The following CYP4F12 variants were observed in gnomAD, a reference collection of about 807,000 sequenced individuals.
CYP4F12 encodes the protein cytochrome P450 4F12.
In CYP4F12, 60 loss-of-function variants were observed where a neutral mutation model predicts 56.5. The ratio of observed to expected loss-of-function variants is 1.06; its 90% CI spans 0.86 to 1.32. The LOEUF is 1.32. Among genes scored for constraint, CYP4F12 ranks in the 40% most tolerant of loss-of-function variants. The probability of loss-of-function intolerance (pLI) is 0.00; values close to 1 mark genes in which losing one functional copy is unlikely to be tolerated. For synonymous variants in CYP4F12, 263 were observed against 264.9 expected, an observed-to-expected ratio of 0.99 and a Z score of 0.07; for missense variants, 711 against 683.5, an observed-to-expected ratio of 1.04 and a Z score of -0.45.
intron 3 of CYP4F12, among the ~76,000 whole-genome samples, chr19:15,679,929 T>C (rs764156401): frequency 6.6e-6 from 1 of 152,182 alleles, no homozygotes; most frequent in Non-Finnish European, 1.5e-5. Flanking sequence ...AGACAGGGTG[T>C]CCGAGGTCCT....
intron 2 of CYP4F12, 58 bp from the exon 3 acceptor site, chr19:15,678,203 C>A: frequency 1.9e-6 from 3 of 1,607,698 alleles, no homozygotes; most frequent in Non-Finnish European, 2.6e-6. Flanking sequence ...TTAGCCCAGT[C>A]TAGTGGACAC....
rs200143561 is a variant in CYP4F12 at position 15,696,502 on chromosome 19, G to T, written c.1387G>T (p.Ala463Ser). 1.2e-5 allele frequency: 20 copies of T among 1,613,836 alleles called. No individual in the cohort carries two copies. The highest frequency in any genetic ancestry group is 1.7e-5 in the Non-Finnish European group (20 of 1,179,996). ...ACCTCTGGCTTTTATTCCTTTCTCC[G>T]CAGGGCCCAGGTAAGAGCGCCCTGT... is the stretch of plus-strand genomic sequence containing the variant. Reference protein sequence around the residue: ...RSPLAFIPFSAGPRNCIGQAF... With the variant: ...RSPLAFIPFSSGPRNCIGQAF... The change falls in exon 12 of 13, where the codon GCA (alanine) becomes TCA (serine). Residue 463 changes from alanine to serine, a missense_variant. Physicochemically the swap from Ala to Ser is moderately conservative, Grantham distance 99. Coordinates refer to ENST00000550308, the MANE Select transcript of CYP4F12 (RefSeq NM_023944.4).
intron 9 of CYP4F12, among the ~76,000 whole-genome samples, chr19:15,687,762 G>A (rs1048865705): frequency 3.9e-5 from 6 of 152,190 alleles, no homozygotes; most frequent in African/African-American, 1.2e-4. Flanking sequence ...CTGATTTAGG[G>A]AGTGGTAAGA....
chr19:15,693,080 C>G (rs915173210), intron 9 of CYP4F12, among the ~76,000 whole-genome samples: 2 of 151,800 alleles, frequency 1.3e-5, no homozygotes, highest in Admixed American at 6.6e-5. Context: ...TTCCCTCCCC[C>G]CATCAAAAAA....
At position 15,678,360 on chromosome 19, in the gene CYP4F12, G is replaced by A. The variant is rs373930962; in HGVS notation, c.298G>A (p.Val100Ile). The A allele has an allele frequency of 3.7e-5, 59 of 1,613,990 alleles. No homozygotes were observed. Among genetic ancestry groups the A allele is most frequent in the Middle Eastern group, 1.6e-4 (1 of 6,084 alleles). Residue 100 changes from valine to isoleucine, a missense_variant, in exon 3 of 13, where the codon GTT becomes ATT. By Grantham distance (29) the Val-to-Ile change is conservative. Transcript: ENST00000550308. ...VWLGPIIPFI[V>I]LCHPDTIRSI... ...GCTGGGTCCCATCATCCCCTTCATC[G>A]TTTTATGCCACCCTGACACCATCCG... is the stretch of plus-strand genomic sequence containing the variant.
chr19:15,683,072 GAGAGAGAGAGAC>G (rs1314946235), intron 6 of CYP4F12, among the ~76,000 whole-genome samples: 1 of 147,606 alleles, frequency 6.8e-6, no homozygotes, highest in Admixed American at 7.1e-5. Context: ...GAGAGAGGGA[GAGAGAGAGAGAC>G]AGAGAGACAG....
At chr19:15,679,942 A>G (rs688468) in intron 3 of CYP4F12, among the ~76,000 whole-genome samples, 3,754 of 152,142 alleles carry the variant, frequency 0.025, 16 homozygotes, top group African/African-American at 0.086. Flanking sequence ...GAGGTCCTTT[A>G]AAGGTATTTT....
At chr19:15,675,820 CA>C (rs1393021226) in intron 2 of CYP4F12, among the ~76,000 whole-genome samples, 2 of 152,196 alleles carry the variant, frequency 1.3e-5, no homozygotes, top group African/African-American at 2.4e-5. Context: ...GTGCATTAGT[CA>C]GGGTTCTCCC....
Position 15,696,216 on chromosome 19 carries a change from G to A in CYP4F12, c.1305G>A (p.Pro435=), listed in dbSNP as rs374348891. 27 of 1,613,924 alleles carry A rather than the reference G, an allele frequency of 1.7e-5. No homozygotes were observed. The African/African-American group carries it at 2.4e-4, about 14-fold the overall frequency. Residue 435 remains proline, a synonymous_variant, in exon 11 of 13, where the codon CCG becomes CCA. Coordinates refer to ENST00000550308, the MANE Select transcript of CYP4F12 (RefSeq NM_023944.4). The part of the protein sequence containing the change: ...IGVHHNPTVW[P]DPEVYDPFRF... ...TCCATCACAACCCAACTGTGTGGCC[G>A]GATCCTGAGGTGCTGCCTTCCCCAT...
chr19:15,673,350 G>A, intron 1 of CYP4F12, 179 bp from the exon 2 acceptor site: 1 of 648,674 alleles, frequency 1.5e-6, no homozygotes, highest in Admixed American at 2.7e-5. Context: ...GTTACTGGAG[G>A]CCACTTAGTT....
intron 2 of CYP4F12, among the ~76,000 whole-genome samples, chr19:15,674,686 T>TCCCA (rs2006827770): frequency 6.6e-6 from 1 of 151,780 alleles, no homozygotes. Flanking sequence ...CACTCATTCC[T>TCCCA]CTCCTCATTC....
Position 15,697,022 on chromosome 19 carries a change from G to T in CYP4F12, c.1512G>T (p.Leu504Phe). The change falls in exon 13 of 13, where the codon TTG becomes TTT. Residue 504 changes from leucine to phenylalanine, a missense_variant. Coordinates refer to ENST00000550308, the MANE Select transcript of CYP4F12 (RefSeq NM_023944.4). ...CTGAGCCCCGCAGGAAGCTGGAATTGATCATGCGCGCCGAGGGCGGGCTTT... is the reference window on the plus strand; with the variant it reads ...CTGAGCCCCGCAGGAAGCTGGAATTTATCATGCGCGCCGAGGGCGGGCTTT... Reference protein sequence around the residue: ...DHTEPRRKLELIMRAEGGLWL... With the variant: ...DHTEPRRKLEFIMRAEGGLWL... 6.2e-7 allele frequency: 1 copy of T among 1,614,206 alleles called. No individual in the cohort carries two copies.
chr19:15,692,816 G>C (rs1306887985), intron 9 of CYP4F12, among the ~76,000 whole-genome samples: 3 of 152,110 alleles, frequency 2.0e-5, no homozygotes, highest in Non-Finnish European at 4.4e-5. Context: ...GTTCATGACT[G>C]TAATCCCAGT....
chr19:15,696,778 C>A (rs1245088602), intron 12 of CYP4F12, 130 bp from the exon 13 acceptor site: 2 of 1,283,706 alleles, frequency 1.6e-6, no homozygotes, highest in Non-Finnish European at 2.1e-6. Flanking sequence ...GAGTCCCAGG[C>A]ACGCTTAGTC....
intron 5 of CYP4F12, 149 bp downstream of exon 5, chr19:15,680,668 T>C (rs2007247491): frequency 9.9e-7 from 1 of 1,014,658 alleles, no homozygotes; most frequent in South Asian, 1.3e-5. Context: ...AAAATGGGGA[T>C]GATAATCCCT....
At position 15,683,543 on chromosome 19, in the gene CYP4F12, A is replaced by G. The variant is rs745673327; in HGVS notation, c.698A>G (p.Glu233Gly). The change falls in exon 7 of 13, where the codon GAG becomes GGG. Residue 233 changes from glutamate to glycine, a missense_variant. Coordinates refer to ENST00000550308, the MANE Select transcript of CYP4F12 (RefSeq NM_023944.4). ...ATCTTGGAGCTCAGTGCCCTTGTAGAGAAAAGAAGCCAGCATATCCTCCAG... is the reference window on the plus strand; with the variant it reads ...ATCTTGGAGCTCAGTGCCCTTGTAGGGAAAAGAAGCCAGCATATCCTCCAG... Reference protein sequence around the residue: ...ATILELSALVEKRSQHILQHM... With the variant: ...ATILELSALVGKRSQHILQHM... 3.1e-6 allele frequency: 5 copies of G among 1,613,288 alleles called. No homozygotes were observed. In the Admixed American group the frequency reaches 5.0e-5, roughly 16 times the overall value.
At chr19:15,693,992 T>C (rs1413225014) in intron 9 of CYP4F12, among the ~76,000 whole-genome samples, 1 of 151,426 alleles carries the variant, frequency 6.6e-6, no homozygotes, top group Non-Finnish European at 1.5e-5. Flanking sequence ...AAAGATCAGA[T>C]AGTTGTAGAC....
intron 8 of CYP4F12, 32 bp from the exon 9 acceptor site, chr19:15,685,036 G>T (rs1256353034): frequency 1.2e-6 from 2 of 1,607,274 alleles, no homozygotes; most frequent in Non-Finnish European, 1.7e-6. Flanking sequence ...ACCCTCCGGT[G>T]CTGAAGCCAA....
intron 9 of CYP4F12, among the ~76,000 whole-genome samples, chr19:15,686,705 G>C (rs1474436967): frequency 1.3e-5 from 2 of 152,138 alleles, no homozygotes; most frequent in Non-Finnish European, 2.9e-5. Context: ...CAGGGGAGGG[G>C]CAGGTCATAT....
Sources: gnomAD v4.1 joint callset for allele counts (sites outside exome capture counted in the v4.1 genomes callset) on GRCh38, gnomAD v4.1.1 for gene constraint, MANE v1.5 for transcripts, NCBI Gene and HGNC (gene_info 2026-07-23, HGNC 2026-07-21) for gene names.